ERP44: variants seen among roughly 807,000 people sequenced by gnomAD.
ERP44 encodes the protein endoplasmic reticulum protein 44.
Under a neutral mutation model 53.4 loss-of-function variants are expected in ERP44, and 25 were observed. The observed-to-expected ratio is 0.47, with a 90% CI of 0.34 to 0.65. The LOEUF (loss-of-function observed/expected upper bound fraction) is 0.65. Among genes scored for constraint, ERP44 ranks in the 30% least tolerant of loss-of-function variants. The probability of loss-of-function intolerance (pLI) is 0.01; values close to 1 mark genes in which losing one functional copy is unlikely to be tolerated. For missense variants in ERP44, 338 were observed against 493.2 expected (o/e 0.69, Z 2.98); for synonymous variants, 145 against 161.2 (o/e 0.90, Z 0.76).
chr9:100,028,779 C>T (rs751228396), intron 4 of ERP44, among the ~76,000 whole-genome samples: 27 of 152,098 alleles, frequency 1.8e-4, no homozygotes, highest in Non-Finnish European at 1.5e-5. Flanking sequence ...ATTACCAATA[C>T]TCTTAATGGC....
intron 3 of ERP44, among the ~76,000 whole-genome samples, chr9:100,053,081 T>G (rs1338340316): frequency 1.3e-5 from 2 of 152,106 alleles, no homozygotes; most frequent in Non-Finnish European, 2.9e-5. Context: ...TTAACTGTAT[T>G]GCAAATATTA....
chr9:99,991,699 C>T (rs1564084477), intron 10 of ERP44, among the ~76,000 whole-genome samples: 1 of 151,784 alleles, frequency 6.6e-6, no homozygotes, highest in Admixed American at 6.6e-5. Flanking sequence ...ACACAAAAAC[C>T]CCTTCAAAAA....
At chr9:100,032,102 A>T (rs1427974467) in intron 4 of ERP44, among the ~76,000 whole-genome samples, 4 of 152,104 alleles carry the variant, frequency 2.6e-5, no homozygotes, top group African/African-American at 9.7e-5. Flanking sequence ...CCCATGGGAG[A>T]TGGGCTGGCT....
At chr9:99,998,820 A>T in intron 10 of ERP44, 1 of 1,130,206 alleles carries the variant, frequency 8.8e-7, no homozygotes, top group Non-Finnish European at 1.3e-6. Flanking sequence ...TGCTTTTCTA[A>T]TTTTCTATTT....
chr9:99,984,719 A>G (rs1587952518), intron 11 of ERP44, among the ~76,000 whole-genome samples: 1 of 152,226 alleles, frequency 6.6e-6, no homozygotes, highest in South Asian at 2.1e-4. Flanking sequence ...TGTTATAGCC[A>G]TATTCCACAG....
intron 3 of ERP44, among the ~76,000 whole-genome samples, chr9:100,054,268 G>A (rs1030616259): frequency 6.6e-6 from 1 of 152,138 alleles, no homozygotes; most frequent in African/African-American, 2.4e-5. Flanking sequence ...GAACTGGAGC[G>A]GCTAGGACCG....
intron 1 of ERP44, among the ~76,000 whole-genome samples, chr9:100,090,748 CA>C (rs572018205): frequency 1.7e-3 from 237 of 140,110 alleles, no homozygotes; most frequent in Non-Finnish European, 1.7e-3. Context: ...GACTCTGTTT[CA>C]AAAAAAAAAA....
chr9:100,050,884 T>G (rs1826029478), intron 4 of ERP44, among the ~76,000 whole-genome samples: 1 of 152,226 alleles, frequency 6.6e-6, no homozygotes, highest in Non-Finnish European at 1.5e-5. Context: ...TCCCAATGAA[T>G]GTAAGCTTTA....
chr9:100,098,329 G>A (rs770404370), intron 1 of ERP44, among the ~76,000 whole-genome samples: 1 of 152,140 alleles, frequency 6.6e-6, no homozygotes, highest in Non-Finnish European at 1.5e-5. Flanking sequence ...ACAACAGAGG[G>A]ATCTGCCAAC....
At chr9:100,066,862 T>G (rs910077319) in intron 1 of ERP44, among the ~76,000 whole-genome samples, 4 of 152,178 alleles carry the variant, frequency 2.6e-5, no homozygotes, top group Non-Finnish European at 4.4e-5. Context: ...ATAAGGGCCT[T>G]GAAGTTGGGT....
At chr9:100,090,491 G>A (rs1826540724) in intron 1 of ERP44, among the ~76,000 whole-genome samples, 1 of 152,184 alleles carries the variant, frequency 6.6e-6, no homozygotes, top group Admixed American at 6.5e-5. Flanking sequence ...GCTCACGGCT[G>A]TAATCCTAAC....
chr9:100,014,782 ATACT>A (rs1368738275), intron 8 of ERP44, among the ~76,000 whole-genome samples: 1 of 152,248 alleles, frequency 6.6e-6, no homozygotes, highest in African/African-American at 2.4e-5. Context: ...AAAGGCTAAC[ATACT>A]TACTATCTGA....
chr9:100,005,213 C>T (rs919539926), intron 10 of ERP44, among the ~76,000 whole-genome samples: 1 of 152,190 alleles, frequency 6.6e-6, no homozygotes, highest in South Asian at 2.1e-4. Context: ...TAAACTTCTA[C>T]AAAACTTTAT....
intron 8 of ERP44, among the ~76,000 whole-genome samples, chr9:100,009,588 G>C (rs1447799848): frequency 2.0e-5 from 3 of 151,624 alleles, no homozygotes; most frequent in East Asian, 1.9e-4. Flanking sequence ...AACTGATGCT[G>C]GTCTCAATGA....
At chr9:100,031,854 C>T (rs1402212875) in intron 4 of ERP44, among the ~76,000 whole-genome samples, 1 of 152,116 alleles carries the variant, frequency 6.6e-6, no homozygotes, top group Non-Finnish European at 1.5e-5. Flanking sequence ...AGCTAAGATT[C>T]CTCTCAAAAT....
chr9:100,035,057 A>G (rs1825837199), intron 4 of ERP44, among the ~76,000 whole-genome samples: 1 of 152,214 alleles, frequency 6.6e-6, no homozygotes, highest in Non-Finnish European at 1.5e-5. Flanking sequence ...ACATATCATC[A>G]TATACAAAAC....
Position 100,043,945 on chromosome 9 carries a change from C to G in ERP44, c.286+8472G>C, listed in dbSNP as rs537836118. On this transcript the variant is annotated intron_variant, in intron 4 of 11. Transcript: ENST00000262455. Reference sequence around the variant, plus strand: ...TTTGAGTACTAGAAGAGAGGATTATCCTGATGTAACCATTAAACATTATAT... The same window carrying G: ...TTTGAGTACTAGAAGAGAGGATTATGCTGATGTAACCATTAAACATTATAT... Among the ~76,000 whole-genome samples the G allele has an allele frequency of 3.9e-5, 6 of 152,122 alleles. No individual in the cohort carries two copies. The South Asian group carries it at 1.2e-3, about 32-fold the overall frequency.
chr9:100,023,415 TAAG>T (rs1830616405), intron 4 of ERP44, among the ~76,000 whole-genome samples: 1 of 143,286 alleles, frequency 7.0e-6, no homozygotes, highest in Non-Finnish European at 1.5e-5. Context: ...AAAAAAAAAA[TAAG>T]AAACTTTGAT....
At chr9:100,012,285 G>C (rs540820717) in intron 8 of ERP44, among the ~76,000 whole-genome samples, 1 of 152,190 alleles carries the variant, frequency 6.6e-6, no homozygotes, top group Non-Finnish European at 1.5e-5. Context: ...TGCATATCTA[G>C]TGCAATAGAG....
Sources: allele counts gnomAD v4.1 joint callset (sites outside exome capture counted in the v4.1 genomes callset), GRCh38; gene constraint gnomAD v4.1.1; transcripts MANE v1.5; gene names NCBI Gene and HGNC (gene_info 2026-07-23, HGNC 2026-07-21).